Variants in MTRF1 observed in about 807,000 individuals in gnomAD.
The protein encoded by MTRF1 is peptide chain release factor 1, mitochondrial.
MTRF1 carries 51 observed loss-of-function variants against 62.9 expected under a neutral mutation model. That is an observed-to-expected ratio of 0.81 (90% CI 0.65 to 1.02). MTRF1 has a LOEUF of 1.02. Among genes scored for constraint, MTRF1 ranks in the 50% least tolerant of loss-of-function variants. The probability of loss-of-function intolerance (pLI) is 0.00; values close to 1 mark genes in which losing one functional copy is unlikely to be tolerated. For synonymous variants in MTRF1, 158 were observed against 181.9 expected (o/e 0.87, Z 1.06); for missense variants, 446 against 530.0 (o/e 0.84, Z 1.56).
At chr13:41,229,173 T>C (rs1350269894) in intron 7 of MTRF1, 2 of 151,888 alleles carry the variant, frequency 1.3e-5, no homozygotes, top group Admixed American at 6.5e-5. Flanking sequence ...GGCAGCACAA[T>C]GATAAGTCAC....
the MTRF1 span, chr13:41,311,662 G>A: frequency 2.2e-6 from 3 of 1,377,388 alleles, no homozygotes; most frequent in Non-Finnish European, 3.0e-6. Flanking sequence ...GGCGGCGGCC[G>A]GCGCGGGCCA....
intron 5 of MTRF1, among the ~76,000 whole-genome samples, chr13:41,247,737 T>C (rs531474909): frequency 1.3e-5 from 2 of 152,302 alleles, no homozygotes; most frequent in South Asian, 2.1e-4. Flanking sequence ...CTTTGCTCCA[T>C]AGGTCAGGGA....
At chr13:41,235,455 G>A (rs1415636247) in intron 6 of MTRF1, 1 of 152,186 alleles carries the variant, frequency 6.6e-6, no homozygotes, top group African/African-American at 2.4e-5. Context: ...AAAAAGATAT[G>A]TTCATATTCT....
chr13:41,291,725 G>A, the MTRF1 span, among the ~76,000 whole-genome samples: 1 of 152,098 alleles, frequency 6.6e-6, no homozygotes, highest in Non-Finnish European at 1.5e-5. Flanking sequence ...AAACAGAACA[G>A]CTACAGAACA....
chr13:41,235,999 A>G (rs931844736), intron 6 of MTRF1: 1 of 151,678 alleles, frequency 6.6e-6, no homozygotes, highest in Non-Finnish European at 1.5e-5. Context: ...TCTGACTCCC[A>G]GGTTCAAGAG....
chr13:41,219,172 TC>T (rs1265739756), intron 9 of MTRF1, among the ~76,000 whole-genome samples: 5 of 151,664 alleles, frequency 3.3e-5, no homozygotes, highest in Non-Finnish European at 5.9e-5. Context: ...GTGCCTGTAG[TC>T]CCAGCTACTC....
In MTRF1 at chr13:41,252,946, G is replaced by C. The variant is rs2039262133; in HGVS notation, c.589+3C>G. On this transcript the variant is annotated splice_donor_region_variant and intron_variant, in intron 4 of 9. Coordinates refer to ENST00000379480, the MANE Select transcript of MTRF1 (RefSeq NM_004294.4). ...ATTTAAATAATAAAGTAAGTTTACT[G>C]ACCTCCAGTAGTCCTTCCAGCTGTC... The C allele has an allele frequency of 6.3e-7, 1 of 1,585,928 alleles. No homozygotes were observed. The highest frequency in any genetic ancestry group is 1.1e-5 in the South Asian group (1 of 87,256).
At chr13:41,311,364 G>A in the MTRF1 span, 8 of 638,990 alleles carry the variant, frequency 1.3e-5, no homozygotes, top group Admixed American at 1.7e-4. Flanking sequence ...ATTGCCACCC[G>A]TGCCGAACAG....
At chr13:41,294,814 G>T in the MTRF1 span, among the ~76,000 whole-genome samples, 1 of 152,120 alleles carries the variant, frequency 6.6e-6, no homozygotes. Context: ...GATCAGGTTG[G>T]CTATAATTAA....
At chr13:41,271,959 T>C in the MTRF1 span, among the ~76,000 whole-genome samples, 1 of 152,024 alleles carries the variant, frequency 6.6e-6, no homozygotes, top group Non-Finnish European at 1.5e-5. Flanking sequence ...AACAACTTCC[T>C]AGGAGAAAAA....
chr13:41,260,272 G>C (rs1337598203), intron 2 of MTRF1, among the ~76,000 whole-genome samples: 1 of 151,970 alleles, frequency 6.6e-6, no homozygotes, highest in Non-Finnish European at 1.5e-5. Flanking sequence ...TGCTGAAGTG[G>C]GGGGCCAGGA....
At chr13:41,274,181 A>G in the MTRF1 span, among the ~76,000 whole-genome samples, 2 of 152,168 alleles carry the variant, frequency 1.3e-5, no homozygotes, top group Non-Finnish European at 2.9e-5. Context: ...AACCTTCTCT[A>G]TCTGGTGCTA....
chr13:41,276,541 AT>A, the MTRF1 span, among the ~76,000 whole-genome samples: 4 of 151,500 alleles, frequency 2.6e-5, no homozygotes, highest in African/African-American at 4.8e-5. Flanking sequence ...TCTTTTAGTT[AT>A]TTTTTTTTAT....
chr13:41,233,855 A>G, intron 7 of MTRF1, 35 bp downstream of exon 7: 6 of 1,479,730 alleles, frequency 4.1e-6, no homozygotes, highest in Admixed American at 1.7e-5. Flanking sequence ...AGATGGAAAA[A>G]GGGTTAAAAG....
At chr13:41,299,908 C>T in the MTRF1 span, among the ~76,000 whole-genome samples, 161 of 152,256 alleles carry the variant, frequency 1.1e-3, no homozygotes, top group African/African-American at 3.7e-3. Context: ...GAAACTCCTA[C>T]CGAACAGTAG....
chr13:41,311,896 G>T, the MTRF1 span, among the ~76,000 whole-genome samples: 1 of 152,250 alleles, frequency 6.6e-6, no homozygotes, highest in Non-Finnish European at 1.5e-5. Context: ...TGGCTGCCGT[G>T]CTCTCTGCCG....
At chr13:41,311,976 G>C in the MTRF1 span, among the ~76,000 whole-genome samples, 1 of 152,228 alleles carries the variant, frequency 6.6e-6, no homozygotes, top group Non-Finnish European at 1.5e-5. Context: ...TCCTCGGCTA[G>C]GTGTTTTGCG....
At position 41,259,506 on chromosome 13, in the gene MTRF1, C is replaced by G. The variant is rs1036528241; in HGVS notation, c.415+987G>C. On this transcript the variant is annotated intron_variant, in intron 2 of 9. Transcript: ENST00000379480. ...CTTGAGATCAGGAGTTTGAGACCAG[C>G]CTGGCCAACATGGTGAAACCCCGTC... Among the ~76,000 whole-genome samples the G allele has an allele frequency of 4.6e-5, 7 of 151,660 alleles. No individual in the cohort carries two copies. The East Asian group carries it at 1.4e-3, about 29-fold the overall frequency.
intron 9 of MTRF1, among the ~76,000 whole-genome samples, chr13:41,219,305 A>T (rs1268088210): frequency 1.3e-5 from 2 of 151,666 alleles, no homozygotes; most frequent in African/African-American, 4.8e-5. Context: ...AAAAAAAAAA[A>T]AATGTACCTG....
Sources: gnomAD v4.1 joint callset for allele counts (sites outside exome capture counted in the v4.1 genomes callset) on GRCh38, gnomAD v4.1.1 for gene constraint, MANE v1.5 for transcripts, NCBI Gene and HGNC (gene_info 2026-07-23, HGNC 2026-07-21) for gene names.